The following BRD7 variants were observed in gnomAD, a reference collection of about 807,000 sequenced individuals.
The protein encoded by BRD7 is bromodomain containing 7.
A neutral mutation model predicts 82.1 loss-of-function variants in BRD7; 15 were observed. That is an observed-to-expected ratio of 0.18 (90% CI 0.12 to 0.28). The LOEUF is 0.28. Among genes scored for constraint, BRD7 ranks in the 10% least tolerant of loss-of-function variants. The pLI is 1.00. For missense variants in BRD7, 638 were observed against 779.9 expected, an observed-to-expected ratio of 0.82 and a Z score of 2.17; for synonymous variants, 232 against 266.9, an observed-to-expected ratio of 0.87 and a Z score of 1.27.
chr16:50,355,253 GA>G (rs2038686139), intron 2 of BRD7, among the ~76,000 whole-genome samples: 1 of 152,158 alleles, frequency 6.6e-6, no homozygotes, highest in Non-Finnish European at 1.5e-5. Context: ...CAGAAGGCCT[GA>G]ATAAAGGAGA....
chr16:50,368,394 C>T (rs940789449), intron 1 of BRD7, 96 bp from the exon 2 acceptor site: 122 of 1,336,446 alleles, frequency 9.1e-5, no homozygotes, highest in Non-Finnish European at 1.2e-4. Flanking sequence ...GCGCAGCAAG[C>T]CCGAGGCGGC....
chr16:50,355,029 T>A, intron 2 of BRD7, 107 bp from the exon 3 acceptor site: 1 of 1,339,614 alleles, frequency 7.5e-7, no homozygotes. Context: ...GAAAATATTC[T>A]TAATAACAAG....
intron 2 of BRD7, among the ~76,000 whole-genome samples, chr16:50,363,660 T>TGTGTGCGCGC (rs138025982): frequency 2.9e-4 from 30 of 102,512 alleles, no homozygotes; most frequent in African/African-American, 6.4e-4. Context: ...TGTGTGTGTG[T>TGTGTGCGCGC]GCGCGCGCGC....
intron 4 of BRD7, 122 bp downstream of exon 4, chr16:50,354,303 G>T: frequency 1.2e-6 from 1 of 814,936 alleles, no homozygotes; most frequent in South Asian, 1.9e-5. Flanking sequence ...CTGCTGCCAG[G>T]CAAAATATTT....
Position 50,334,831 on chromosome 16 carries a change from T to C in BRD7, c.767A>G (p.Gln256Arg), listed in dbSNP as rs751642467. The C allele has an allele frequency of 9.3e-6, 15 of 1,614,110 alleles. No individual in the cohort carries two copies. Among genetic ancestry groups the C allele is most frequent in the Admixed American group, 1.7e-5 (1 of 60,004 alleles). Reference protein sequence around the residue: ...FMADLQKTRKQKDGTDTSQSG... With the variant: ...FMADLQKTRKRKDGTDTSQSG... ...CTGTGAGGTGTCTGTTCCATCTTTCTGCTTTCGAGTTTTCTGCAAGTCAGC... is the reference window on the plus strand; with the variant it reads ...CTGTGAGGTGTCTGTTCCATCTTTCCGCTTTCGAGTTTTCTGCAAGTCAGC... Residue 256 changes from glutamine (Q) to arginine (R), a missense_variant, in exon 7 of 17, where the codon CAG (glutamine) becomes CGG (arginine). This residue lies in a region of BRD7 where 402 missense variants were observed against 500.8 expected (regional missense o/e 0.80). Coordinates refer to ENST00000394688, the MANE Select transcript of BRD7 (RefSeq NM_013263.5).
intron 5 of BRD7, among the ~76,000 whole-genome samples, chr16:50,347,946 T>C (rs1390698330): frequency 6.6e-6 from 1 of 152,158 alleles, no homozygotes; most frequent in African/African-American, 2.4e-5. Context: ...AGAGCCTGCA[T>C]TGCCAAGTCA....
chr16:50,325,008 CTT>C (rs1015849544), intron 11 of BRD7, among the ~76,000 whole-genome samples: 9 of 152,230 alleles, frequency 5.9e-5, no homozygotes, highest in African/African-American at 2.2e-4. Flanking sequence ...CAGATTCCCT[CTT>C]TGTGAGAAAA....
intron 13 of BRD7, among the ~76,000 whole-genome samples, chr16:50,321,200 T>C (rs1417264821): frequency 2.0e-5 from 3 of 152,202 alleles, no homozygotes; most frequent in Non-Finnish European, 4.4e-5. Context: ...ATTGATACAC[T>C]TCCCGGGTCT....
intron 2 of BRD7, among the ~76,000 whole-genome samples, chr16:50,359,513 A>G (rs1400437676): frequency 6.6e-6 from 1 of 152,224 alleles, no homozygotes. Flanking sequence ...GAGAAAATAT[A>G]CACAGCCCTA....
At position 50,361,895 on chromosome 16, in the gene BRD7, C is replaced by G. The variant is rs1597098859; in HGVS notation, c.258+6195G>C. On this transcript the variant is annotated intron_variant, in intron 2 of 16. Transcript: ENST00000394688. ...TGTGGGCTTCCTGACCTCCACGTCT[C>G]TACGCAGTGGCCTATCATTCTATTC... The G allele has an allele frequency of 2.0e-5, 3 of 152,204 alleles. No individual in the cohort carries two copies. In the South Asian group the frequency reaches 6.2e-4, roughly 32 times the overall value. The allele number at this position is 152,204 out of a possible 1,614,324, so 9.4% of individuals were successfully genotyped here.
At chr16:50,364,379 C>A (rs761693075) in intron 2 of BRD7, among the ~76,000 whole-genome samples, 4 of 152,174 alleles carry the variant, frequency 2.6e-5, no homozygotes, top group East Asian at 3.9e-4. Flanking sequence ...TCCCTCCCTA[C>A]ATAACACTAG....
intron 8 of BRD7, among the ~76,000 whole-genome samples, chr16:50,332,622 A>G (rs554078851): frequency 2.6e-4 from 39 of 152,224 alleles, no homozygotes; most frequent in Non-Finnish European, 4.1e-4. Flanking sequence ...AATTTGACCC[A>G]GCAATCCTAG....
intron 2 of BRD7, among the ~76,000 whole-genome samples, chr16:50,365,594 A>C (rs2039111997): frequency 6.6e-6 from 1 of 152,214 alleles, no homozygotes; most frequent in African/African-American, 2.4e-5. Context: ...ACTTCGATTA[A>C]TATCCTCAGA....
At chr16:50,328,557 A>G (rs183754707) in intron 9 of BRD7, 112 bp downstream of exon 9, 2 of 843,806 alleles carry the variant, frequency 2.4e-6, no homozygotes, top group East Asian at 2.6e-5. Flanking sequence ...TCCTTTGTGC[A>G]TAATGACACA....
chr16:50,320,201 T>G, intron 15 of BRD7, 47 bp downstream of exon 15: 1 of 1,574,308 alleles, frequency 6.4e-7, no homozygotes, highest in Non-Finnish European at 8.6e-7. Flanking sequence ...AGAAGTTTTT[T>G]CTTTGAAGCA....
At chr16:50,332,714 G>C (rs1725139260) in intron 8 of BRD7, among the ~76,000 whole-genome samples, 1 of 152,028 alleles carries the variant, frequency 6.6e-6, no homozygotes. Flanking sequence ...GCACAACAAA[G>C]ACACAGAATC....
intron 8 of BRD7, among the ~76,000 whole-genome samples, chr16:50,329,281 C>T (rs1014287664): frequency 1.3e-5 from 2 of 152,090 alleles, no homozygotes; most frequent in African/African-American, 4.8e-5. Context: ...GCCACCTAGT[C>T]CTCCCCAGTC....
chr16:50,334,666 G>C lies in BRD7; in HGVS notation c.887+45C>G, dbSNP rs752866982. On this transcript the variant is annotated intron_variant, in intron 7 of 16. Transcript: ENST00000394688. ...GAATAAGTATTTTTCCCCCTTACTA[G>C]CTTGAAGAAGACAGTTTGACCTTAA... 1.9e-6 allele frequency: 3 copies of C among 1,595,386 alleles called. No individual in the cohort carries two copies. In the Admixed American group the frequency reaches 5.1e-5, roughly 27 times the overall value.
Position 50,333,653 on chromosome 16 carries a change from A to G in BRD7, c.932T>C (p.Leu311Ser). Reference sequence around the variant, plus strand: ...GTCAAGCTGCTCCTGCTCTCTCTCTAAATTATTGCTTTTAAACTTATCTTC... The same window carrying G: ...GTCAAGCTGCTCCTGCTCTCTCTCTGAATTATTGCTTTTAAACTTATCTTC... ...MLEDKFKSNNLEREQEQLDRI... is the reference protein window; with the variant it reads ...MLEDKFKSNNSEREQEQLDRI... The change falls in exon 8 of 17, where the codon TTA (leucine) becomes TCA (serine). Residue 311 changes from leucine (L) to serine (S), a missense_variant. By Grantham distance (145) the Leu-to-Ser change is moderately radical (BLOSUM62 -2). Around this residue, in one of 3 missense-constraint regions of BRD7, gnomAD observed 402 missense variants for 500.8 expected, o/e 0.80. Transcript: ENST00000394688. 1.9e-6 allele frequency: 3 copies of G among 1,609,104 alleles called. No individual in the cohort carries two copies. The highest frequency in any genetic ancestry group is 2.2e-5 in the South Asian group (2 of 90,914).
Sources: allele counts gnomAD v4.1 joint callset (sites outside exome capture counted in the v4.1 genomes callset), GRCh38; gene constraint gnomAD v4.1.1; regional missense constraint gnomAD v4.1.1; transcripts MANE v1.5; gene names NCBI Gene and HGNC (gene_info 2026-07-23, HGNC 2026-07-21).